Variants in DSP observed in about 807,000 individuals in gnomAD.
DSP encodes desmoplakin.
DSP carries 114 observed loss-of-function variants against 290.6 expected under a neutral mutation model. The ratio of observed to expected loss-of-function variants is 0.39; its 90% confidence interval spans 0.34 to 0.46. The LOEUF (loss-of-function observed/expected upper bound fraction) is 0.46, where lower values mean the gene tolerates loss of function less well. Ranked by LOEUF, DSP falls within the 20% of genes least tolerant of loss-of-function variation. DSP has a pLI of 0.99. For missense variants in DSP, 3,230 were observed against 3,495.8 expected (o/e 0.92, Z 1.92); for synonymous variants, 1,311 against 1,316.4 (o/e 1.00, Z 0.09).
In DSP at chr6:7,585,163, C is replaced by T; in HGVS notation, c.7901C>T (p.Thr2634Ile). Residue 2634 changes from threonine (T) to isoleucine (I), a missense_variant, in exon 24 of 24, where the codon ACA (threonine) becomes ATA (isoleucine). Coordinates refer to ENST00000379802, the MANE Select transcript of DSP (RefSeq NM_004415.4). Reference protein sequence around the residue: ...DTENLEKISITEGIERGIVDS... With the variant: ...DTENLEKISIIEGIERGIVDS... ...GAAAACCTGGAGAAAATCTCCATTA[C>T]AGAAGGTATAGAGCGGGGCATCGTT... The T allele has an allele frequency of 6.2e-7, 1 of 1,614,134 alleles. No homozygotes were observed. Among genetic ancestry groups the T allele is most frequent in the Non-Finnish European group, 8.5e-7 (1 of 1,180,034 alleles).
At chr6:7,562,556 G>GA (rs1203098486) in intron 4 of DSP, 96 bp from the exon 5 acceptor site, 1 of 1,588,638 alleles carries the variant, frequency 6.3e-7, no homozygotes, top group Non-Finnish European at 8.6e-7. Flanking sequence ...TTACATCTTT[G>GA]GTTCTATCTG....
intron 1 of DSP, among the ~76,000 whole-genome samples, chr6:7,544,576 C>T (rs1010584882): frequency 6.6e-5 from 10 of 150,942 alleles, no homozygotes; most frequent in African/African-American, 2.4e-4. Context: ...TACTTTATGG[C>T]TGAATTATTA....
intron 4 of DSP, among the ~76,000 whole-genome samples, chr6:7,562,014 A>G (rs1022670003): frequency 3.3e-5 from 5 of 152,176 alleles, no homozygotes; most frequent in Admixed American, 6.5e-5. Context: ...TAAAAAAGGT[A>G]ACTTAAGTCC....
rs1759540242 is a variant in DSP at position 7,583,818 on chromosome 6, C to G, written c.6556C>G (p.Leu2186Val). 1.9e-6 allele frequency: 3 copies of G among 1,613,996 alleles called. No homozygotes were observed. The Admixed American group carries it at 5.0e-5, about 27-fold the overall frequency. The part of the protein sequence containing the change: ...VTKKKVSYVQ[L>V]KERCRIEPHT... ...CAAAAAGAAGGTCAGTTACGTGCAG[C>G]TGAAGGAACGGTGCAGAATCGAACC... The change falls in exon 24 of 24, where the codon CTG becomes GTG. Residue 2186 changes from leucine to valine, a missense_variant. Leu to Val is a conservative substitution (Grantham distance 32). Transcript: ENST00000379802. This position sits in a 1 kb window ranked among gnomAD's most constrained non-coding sequence, Gnocchi z 4.0.
Position 7,570,464 on chromosome 6 carries a change from GGCTCTGTGGAACCA to G in DSP, c.1608_1621del (p.Trp537HisfsTer15). ...TTGAGCAGTACTACGAAGCCATCTT[GGCTCTGTGGAACCA>G]GCTCTACATCAACATGAAGAGCCTG... is the stretch of plus-strand genomic sequence containing the variant. On this transcript the variant is annotated frameshift_variant, in exon 13 of 24. Coordinates refer to ENST00000379802, the MANE Select transcript of DSP (RefSeq NM_004415.4). LOFTEE classifies it high-confidence loss of function. 1 of 1,614,086 alleles carries G rather than the reference GGCTCTGTGGAACCA, an allele frequency of 6.2e-7. No homozygotes were observed. Among genetic ancestry groups the G allele is most frequent in the Non-Finnish European group, 8.5e-7 (1 of 1,180,016 alleles).
Position 7,583,815 on chromosome 6 carries a change from C to A in DSP, c.6553C>A (p.Gln2185Lys). ...CACCAAAAAGAAGGTCAGTTACGTGCAGCTGAAGGAACGGTGCAGAATCGA... is the reference window on the plus strand; with the variant it reads ...CACCAAAAAGAAGGTCAGTTACGTGAAGCTGAAGGAACGGTGCAGAATCGA... ...PVTKKKVSYV[Q>K]LKERCRIEPH... The change falls in exon 24 of 24, where the codon CAG becomes AAG. Residue 2185 changes from glutamine (Q) to lysine (K), a missense_variant. Coordinates refer to ENST00000379802, the MANE Select transcript of DSP (RefSeq NM_004415.4). The surrounding 1 kb of genome is among the most constrained non-coding windows in gnomAD (Gnocchi z 4.0). 1 of 1,614,118 alleles carries A rather than the reference C, an allele frequency of 6.2e-7. No homozygotes were observed.
rs28763963 is a variant in DSP at position 7,574,202 on chromosome 6, A to C, written c.2247A>C (p.Leu749=). The C allele has an allele frequency of 6.2e-7, 1 of 1,614,088 alleles. No individual in the cohort carries two copies. Among genetic ancestry groups the C allele is most frequent in the African/African-American group, 1.3e-5 (1 of 75,058 alleles). ...YCYLQNEVFG[L]FQKLENINGV... Reference sequence around the variant, plus strand: ...ATTTACAGAATGAAGTATTTGGACTATTTCAGAAACTGGAAAATATCAATG... The same window carrying C: ...ATTTACAGAATGAAGTATTTGGACTCTTTCAGAAACTGGAAAATATCAATG... The change falls in exon 16 of 24, where the codon CTA becomes CTC. Residue 749 remains leucine, a synonymous_variant. Transcript: ENST00000379802.
chr6:7,545,571 A>G (rs1267817562), intron 1 of DSP, among the ~76,000 whole-genome samples: 3 of 152,212 alleles, frequency 2.0e-5, no homozygotes, highest in Non-Finnish European at 4.4e-5. Flanking sequence ...CATTGACTGC[A>G]TTCTGTGTTA....
chr6:7,544,768 T>C (rs1758123258), intron 1 of DSP, among the ~76,000 whole-genome samples: 1 of 152,200 alleles, frequency 6.6e-6, no homozygotes, highest in East Asian at 1.9e-4. Context: ...TTAGATCTCA[T>C]TGTATCCTAA....
intron 1 of DSP, among the ~76,000 whole-genome samples, chr6:7,552,173 T>G (rs763620545): frequency 2.0e-5 from 3 of 152,198 alleles, no homozygotes; most frequent in Non-Finnish European, 4.4e-5. Context: ...TTCAAAGGAT[T>G]AGATTTCTGT....
Position 7,571,533 on chromosome 6 carries a change from C to T in DSP, c.1852C>T (p.His618Tyr), listed in dbSNP as rs750151404. Reference protein sequence around the residue: ...IQSQFTDAQKHYQTLVIQLPG... With the variant: ...IQSQFTDAQKYYQTLVIQLPG... The stretch of plus-strand genomic sequence containing the variant: ...GTCTCAGTTCACCGATGCCCAGAAG[C>T]ATTACCAGACCCTGGTCATTCAGCT... Residue 618 changes from histidine (H) to tyrosine (Y), a missense_variant, in exon 14 of 24, where the codon CAT (histidine) becomes TAT (tyrosine). Coordinates refer to ENST00000379802, the MANE Select transcript of DSP (RefSeq NM_004415.4). The T allele has an allele frequency of 3.1e-6, 5 of 1,614,190 alleles. No individual in the cohort carries two copies. The highest frequency in any genetic ancestry group is 4.2e-6 in the Non-Finnish European group (5 of 1,180,030).
In DSP at chr6:7,583,114, G is replaced by A. The variant is rs1210722098; in HGVS notation, c.5852G>A (p.Arg1951Gln). 17 of 1,613,956 alleles carry A rather than the reference G, an allele frequency of 1.1e-5. No individual in the cohort carries two copies. Among genetic ancestry groups the A allele is most frequent in the South Asian group, 8.8e-5 (8 of 91,080 alleles). ...AGACAGCGCCCATATGGGTCCCATC[G>A]AGAGACCCAGACTGAGTGTGAGTGG... ...KLRQRPYGSH[R>Q]ETQTECEWTV... Residue 1951 changes from arginine (R) to glutamine (Q), a missense_variant, in exon 24 of 24, where the codon CGA becomes CAA. Physicochemically the swap from Arg to Gln is conservative, Grantham distance 43. Transcript: ENST00000379802. This position sits in a 1 kb window ranked among gnomAD's most constrained non-coding sequence, Gnocchi z 4.0.
chr6:7,570,083 G>A (rs985218160), intron 12 of DSP, among the ~76,000 whole-genome samples: 1 of 152,108 alleles, frequency 6.6e-6, no homozygotes, highest in Non-Finnish European at 1.5e-5. Flanking sequence ...CACTGAATAG[G>A]GAGAGTAGTG....
At position 7,542,006 on chromosome 6, in the gene DSP, A is replaced by G. The variant is rs767301698; in HGVS notation, c.91A>G (p.Thr31Ala). The stretch of plus-strand genomic sequence containing the variant: ...TGGCCCGGACCTGCGCTACGAGGTG[A>G]CCAGCGGCGGCGGGGGCACCAGCAG... ...ESGPDLRYEV[T>A]SGGGGTSRMY... The change falls in exon 1 of 24, where the codon ACC becomes GCC. Residue 31 changes from threonine (T) to alanine (A), a missense_variant. Around this residue, in one of 5 missense-constraint regions of DSP, gnomAD observed 646 missense variants for 684.3 expected, o/e 0.94. Transcript: ENST00000379802. 1.3e-6 allele frequency: 2 copies of G among 1,593,780 alleles called. No individual in the cohort carries two copies. Among genetic ancestry groups the G allele is most frequent in the South Asian group, 2.3e-5 (2 of 87,878 alleles).
chr6:7,571,798 C>CCTAGGTAT, intron 14 of DSP, 44 bp from the exon 15 acceptor site: 1 of 1,584,532 alleles, frequency 6.3e-7, no homozygotes, highest in Non-Finnish European at 8.6e-7. Context: ...CACCTTGATA[C>CCTAGGTAT]CTAGGTATTC....
chr6:7,565,569 T>C lies in DSP; in HGVS notation c.939+49T>C, dbSNP rs745408318. 8.1e-6 allele frequency: 13 copies of C among 1,609,828 alleles called. No homozygotes were observed. The East Asian group carries it at 2.7e-4, about 33-fold the overall frequency. On this transcript the variant is annotated intron_variant, in intron 7 of 23. Coordinates refer to ENST00000379802, the MANE Select transcript of DSP (RefSeq NM_004415.4). The surrounding 1 kb of genome is among the most constrained non-coding windows in gnomAD (Gnocchi z 4.2). ...AGATGCTTGTCTTGAGCCTGTTGCC[T>C]TGAAGAGCTGGGGTCTCGGGGAATG...
chr6:7,575,580 A>G (rs1759215193), intron 18 of DSP, 92 bp downstream of exon 18: 3 of 1,516,576 alleles, frequency 2.0e-6, no homozygotes, highest in Non-Finnish European at 2.7e-6. Context: ...TGAAGAAAAC[A>G]GAGGTTTTGT....
At chr6:7,573,921 C>CA (rs1218232928) in intron 15 of DSP, among the ~76,000 whole-genome samples, 165 bp from the exon 16 acceptor site, 6 of 152,014 alleles carry the variant, frequency 3.9e-5, no homozygotes, top group African/African-American at 7.2e-5. Flanking sequence ...ACCACACATA[C>CA]AAAAAAAGAT....
Position 7,580,480 on chromosome 6 carries a change from C to T in DSP, c.4290C>T (p.Ile1430=). The change falls in exon 23 of 24, where the codon ATC becomes ATT. Residue 1430 remains isoleucine, a synonymous_variant. Coordinates refer to ENST00000379802, the MANE Select transcript of DSP (RefSeq NM_004415.4). The surrounding 1 kb of genome is among the most constrained non-coding windows in gnomAD (Gnocchi z 4.2). The part of the protein sequence containing the change: ...TENLRRVEED[I]QQQKATGSEV... ...ATCTCAGGAGGGTGGAAGAAGACAT[C>T]CAACAGCAAAAGGCCACTGGCTCTG... The T allele has an allele frequency of 6.2e-7, 1 of 1,613,978 alleles. No individual in the cohort carries two copies. Among genetic ancestry groups the T allele is most frequent in the East Asian group, 2.2e-5 (1 of 44,872 alleles).
Sources: allele counts gnomAD v4.1 joint callset (sites outside exome capture counted in the v4.1 genomes callset), GRCh38; gene constraint gnomAD v4.1.1; regional missense constraint gnomAD v4.1.1; non-coding constraint Gnocchi (gnomAD v3.1); transcripts MANE v1.5; gene names NCBI Gene and HGNC (gene_info 2026-07-23, HGNC 2026-07-21).